PSD3: variants seen among roughly 807,000 people sequenced by gnomAD.
The protein encoded by PSD3 is PH and SEC7 domain-containing protein 3.
Under a neutral mutation model 105.5 loss-of-function variants are expected in PSD3, and 49 were observed. The ratio of observed to expected loss-of-function variants is 0.46; its 90% CI spans 0.37 to 0.59. PSD3 has a LOEUF of 0.59. Among genes scored for constraint, PSD3 ranks in the 20% least tolerant of loss-of-function variants. PSD3 has a pLI of 0.00. For missense variants in PSD3, 1,561 were observed against 1,263.8 expected (o/e 1.24, Z -3.57); for synonymous variants, 557 against 457.8 (o/e 1.22, Z -2.77).
intron 1 of PSD3, among the ~76,000 whole-genome samples, chr8:18,948,765 A>T (rs1200352264): frequency 6.6e-6 from 1 of 152,192 alleles, no homozygotes; most frequent in Admixed American, 6.5e-5. Flanking sequence ...ATAACTTCTG[A>T]AACAAAGTGA....
At chr8:18,569,229 G>C (rs1177881880) in intron 14 of PSD3, among the ~76,000 whole-genome samples, 43 of 130,160 alleles carry the variant, frequency 3.3e-4, no homozygotes, top group African/African-American at 1.2e-3. Flanking sequence ...CCCAGTAATG[G>C]GATGGCTGGG....
At chr8:18,828,811 AC>A (rs1181688940) in intron 4 of PSD3, among the ~76,000 whole-genome samples, 1 of 152,090 alleles carries the variant, frequency 6.6e-6, no homozygotes, top group Non-Finnish European at 1.5e-5. Flanking sequence ...AAACAAACAA[AC>A]AAAAAATTGG....
intron 9 of PSD3, among the ~76,000 whole-genome samples, chr8:18,730,620 G>A (rs1420438462): frequency 6.6e-6 from 1 of 152,154 alleles, no homozygotes; most frequent in Non-Finnish European, 1.5e-5. Context: ...CACTTTCTAT[G>A]TGCCAGATAC....
intron 11 of PSD3, among the ~76,000 whole-genome samples, chr8:18,616,162 G>C (rs1245373694): frequency 6.6e-6 from 1 of 152,254 alleles, no homozygotes; most frequent in Admixed American, 6.5e-5. Flanking sequence ...AAAACGGTCT[G>C]CTACAGACTG....
intron 11 of PSD3, among the ~76,000 whole-genome samples, chr8:18,602,895 G>A (rs1465525769): frequency 6.6e-6 from 1 of 152,158 alleles, no homozygotes; most frequent in Non-Finnish European, 1.5e-5. Context: ...GAGGACTGTA[G>A]AAGGAGTTAA....
At chr8:18,701,788 C>A (rs987000530) in intron 9 of PSD3, among the ~76,000 whole-genome samples, 1 of 152,188 alleles carries the variant, frequency 6.6e-6, no homozygotes. Flanking sequence ...AGCTTTACAA[C>A]TGCATAGCCA....
At chr8:18,820,332 T>C (rs1481843402) in intron 4 of PSD3, among the ~76,000 whole-genome samples, 1 of 152,098 alleles carries the variant, frequency 6.6e-6, no homozygotes, top group African/African-American at 2.4e-5. Context: ...TCCCAATCAA[T>C]AGTATCTTAG....
At chr8:18,743,595 A>G (rs1039012312) in intron 9 of PSD3, among the ~76,000 whole-genome samples, 2 of 152,108 alleles carry the variant, frequency 1.3e-5, no homozygotes, top group Non-Finnish European at 2.9e-5. Flanking sequence ...CTATTATACC[A>G]GGGAGCCATA....
At chr8:18,563,186 T>C (rs1021037634) in intron 14 of PSD3, among the ~76,000 whole-genome samples, 1 of 152,186 alleles carries the variant, frequency 6.6e-6, no homozygotes, top group African/African-American at 2.4e-5. Context: ...TGGCAGCTTT[T>C]GGTTTATAGA....
chr8:18,833,497 T>A lies in PSD3; in HGVS notation c.1635-28599A>T, dbSNP rs201662701. The stretch of plus-strand genomic sequence containing the variant: ...GTATAATACATTTTAACAGGAACTT[T>A]GTGGAGGCAGTGCTTTGACCAGAAA... On this transcript the variant is annotated intron_variant, in intron 4 of 15. Transcript: ENST00000327040. Among the ~76,000 whole-genome samples the A allele has an allele frequency of 1.4e-4, 21 of 152,346 alleles. No individual in the cohort carries two copies. The East Asian group carries it at 3.9e-3, about 28-fold the overall frequency.
chr8:18,810,786 C>T (rs1473783042), intron 4 of PSD3, among the ~76,000 whole-genome samples: 2 of 152,094 alleles, frequency 1.3e-5, no homozygotes, highest in African/African-American at 4.8e-5. Flanking sequence ...AATAAAAAGA[C>T]CAGTGGGAAC....
chr8:18,706,209 T>C (rs1408018781), intron 9 of PSD3, among the ~76,000 whole-genome samples: 3 of 152,190 alleles, frequency 2.0e-5, no homozygotes, highest in Admixed American at 6.5e-5. Context: ...CAAAAAGTAA[T>C]TGAAAAGGGA....
intron 9 of PSD3, among the ~76,000 whole-genome samples, chr8:18,692,770 G>C (rs114545085): frequency 4.6e-5 from 7 of 152,192 alleles, no homozygotes; most frequent in African/African-American, 1.7e-4. Flanking sequence ...TGTATCTTCG[G>C]CCTTTATATT....
rs373346418 is a variant in PSD3, at chr8:18,872,609, T to C, written c.255A>G (p.Pro85=). The C allele has an allele frequency of 1.1e-5, 18 of 1,614,088 alleles. No individual in the cohort carries two copies. The South Asian group carries it at 1.6e-4, about 15-fold the overall frequency. ...ASLEFDGEAL[P]CHPQEQQGVQ... ...CACCCTGCTGCTCTTGTGGGTGGCA[T>C]GGCAGAGCCTCACCATCAAATTCCA... is the stretch of plus-strand genomic sequence containing the variant. Residue 85 remains proline (P), a synonymous_variant, in exon 3 of 16, where the codon CCA becomes CCG. Coordinates refer to ENST00000327040, the MANE Select transcript of PSD3 (RefSeq NM_015310.4).
In PSD3 at chr8:18,778,967, T is replaced by C. The variant is rs1378509984; in HGVS notation, c.2083-13429A>G. On this transcript the variant is annotated intron_variant, in intron 8 of 15. Transcript: ENST00000327040. ...TGGCATCAAGGTAATTCTGGCCTCA[T>C]GGAACAAGCTAGGAAAAAATCCCTC... Among the ~76,000 whole-genome samples the C allele has an allele frequency of 2.6e-5, 4 of 152,236 alleles. No individual in the cohort carries two copies. The East Asian group carries it at 5.8e-4, about 22-fold the overall frequency.
At chr8:18,791,791 C>A (rs1809742592) in intron 8 of PSD3, among the ~76,000 whole-genome samples, 1 of 152,114 alleles carries the variant, frequency 6.6e-6, no homozygotes, top group African/African-American at 2.4e-5. Context: ...CAACAGACAA[C>A]CTACAGAATG....
intron 4 of PSD3, among the ~76,000 whole-genome samples, chr8:18,837,725 G>C (rs1189282452): frequency 1.3e-5 from 2 of 152,086 alleles, no homozygotes; most frequent in African/African-American, 4.8e-5. Context: ...AATCACTTGA[G>C]CCCAGGAGTT....
chr8:18,865,860 A>G (rs1222734470), intron 4 of PSD3, among the ~76,000 whole-genome samples: 2 of 152,112 alleles, frequency 1.3e-5, no homozygotes, highest in Non-Finnish European at 2.9e-5. Flanking sequence ...AAATACTATG[A>G]CCTACTCTAA....
At chr8:18,572,203 C>G (rs533744401) in intron 14 of PSD3, among the ~76,000 whole-genome samples, 4 of 152,212 alleles carry the variant, frequency 2.6e-5, no homozygotes, top group African/African-American at 7.2e-5. Flanking sequence ...TAAATGAATG[C>G]AAGAAAAGCT....
Sources: gnomAD v4.1 joint callset for allele counts (sites outside exome capture counted in the v4.1 genomes callset) on GRCh38, gnomAD v4.1.1 for gene constraint, MANE v1.5 for transcripts, NCBI Gene and HGNC (gene_info 2026-07-23, HGNC 2026-07-21) for gene names.